The following NQO2 variants were observed in gnomAD, a reference collection of about 807,000 sequenced individuals.
NQO2 encodes the protein N-ribosyldihydronicotinamide:quinone dehydrogenase 2.
A neutral mutation model predicts 22.0 loss-of-function variants in NQO2; 18 were observed. The observed-to-expected ratio is 0.82, with a 90% confidence interval of 0.56 to 1.21. NQO2 has a LOEUF of 1.21. NQO2 is among the 50% of genes most tolerant of loss of function. The pLI is 0.00. For missense variants in NQO2, 267 were observed against 286.9 expected, an observed-to-expected ratio of 0.93 and a Z score of 0.50; for synonymous variants, 106 against 110.8, an observed-to-expected ratio of 0.96 and a Z score of 0.28.
intron 4 of NQO2, among the ~76,000 whole-genome samples, chr6:3,013,100 C>T (rs9378757): frequency 6.8e-4 from 103 of 151,596 alleles, no homozygotes; most frequent in African/African-American, 2.4e-3. Flanking sequence ...GGACTACAGG[C>T]GCCCGCCACC....
chr6:3,017,445 G>A (rs1422509579), intron 6 of NQO2, among the ~76,000 whole-genome samples: 1 of 152,180 alleles, frequency 6.6e-6, no homozygotes, highest in South Asian at 2.1e-4. Flanking sequence ...TCTGATGGCC[G>A]CATGCTGGTC....
chr6:3,005,704 G>C, intron 1 of NQO2: 2 of 985,340 alleles, frequency 2.0e-6, no homozygotes, highest in Non-Finnish European at 2.4e-6. Context: ...ATGGCCAGGA[G>C]GGGGTGAGGC....
intron 2 of NQO2, among the ~76,000 whole-genome samples, chr6:3,009,032 G>C (rs895995012): frequency 2.0e-5 from 3 of 152,184 alleles, no homozygotes; most frequent in African/African-American, 7.2e-5. Context: ...CAGGAGCCAG[G>C]GTTTGAGAGC....
At chr6:3,003,229 T>TA (rs762048362) in intron 1 of NQO2, among the ~76,000 whole-genome samples, 227 of 152,316 alleles carry the variant, frequency 1.5e-3, no homozygotes, top group Non-Finnish European at 2.6e-3. Flanking sequence ...CCCTGTAAGT[T>TA]ACAGCCCCAC....
At position 3,006,243 on chromosome 6, in the gene NQO2, G is replaced by A. The variant is rs1756945852; in HGVS notation, c.-85-225G>A. On this transcript the variant is annotated intron_variant, in intron 1 of 6. Transcript: ENST00000380455. This position sits in a 1 kb window ranked among gnomAD's most constrained non-coding sequence, Gnocchi z 4.0. Reference sequence around the variant, plus strand: ...CCTTTGCTGTATGACTGTCTGGATGGAAGGTTCAGAGTCCTCTCAAAAAAG... The same window carrying A: ...CCTTTGCTGTATGACTGTCTGGATGAAAGGTTCAGAGTCCTCTCAAAAAAG... The A allele has an allele frequency of 1.3e-6, 1 of 749,506 alleles. No homozygotes were observed. The highest frequency in any genetic ancestry group is 6.1e-5 in the South Asian group (1 of 16,464). 46.4% of individuals were successfully genotyped at this position (749,506 alleles called of 1,614,324 possible). A position where few individuals can be genotyped will look rare whatever the true frequency, so the allele number is the denominator to read the frequency against.
chr6:3,006,716 T>C lies in NQO2; in HGVS notation c.7+157T>C. The stretch of plus-strand genomic sequence containing the variant: ...TCTTAATCAGAAATTGGATACATTG[T>C]TGTAAAAAATCCAAGCCACGTGGAA... On this transcript the variant is annotated intron_variant, in intron 2 of 6. Coordinates refer to ENST00000380455, the MANE Select transcript of NQO2 (RefSeq NM_000904.6). The surrounding 1 kb of genome is among the most constrained non-coding windows in gnomAD (Gnocchi z 4.0). 1 of 693,796 alleles carries C rather than the reference T, an allele frequency of 1.4e-6. No homozygotes were observed. The highest frequency in any genetic ancestry group is 2.3e-6 in the Non-Finnish European group (1 of 436,380). 43.0% of individuals were successfully genotyped at this position (693,796 alleles called of 1,614,324 possible). A position where few individuals can be genotyped will look rare whatever the true frequency, so the allele number is the denominator to read the frequency against.
chr6:3,015,523 C>A lies in NQO2; in HGVS notation c.304-7C>A. On this transcript the variant is annotated splice_region_variant and splice_polypyrimidine_tract_variant and intron_variant, in intron 4 of 6. Transcript: ENST00000380455. ...CCTCAGTTTCTCTTTGGTGTTGCCGCCCACAGTTCCCGCTGTACTGGTTCA... is the reference window on the plus strand; with the variant it reads ...CCTCAGTTTCTCTTTGGTGTTGCCGACCACAGTTCCCGCTGTACTGGTTCA... 6.2e-7 allele frequency: 1 copy of A among 1,611,906 alleles called. No homozygotes were observed. The highest frequency in any genetic ancestry group is 8.5e-7 in the Non-Finnish European group (1 of 1,179,268).
intron 2 of NQO2, among the ~76,000 whole-genome samples, chr6:3,008,520 C>T (rs536416951): frequency 1.4e-4 from 21 of 152,140 alleles, no homozygotes; most frequent in Non-Finnish European, 2.6e-4. Context: ...GAGGCCAAGG[C>T]GGGTGGATCA....
chr6:3,010,219 A>T (rs1581326983), intron 3 of NQO2, 30 bp downstream of exon 3: 1 of 1,520,582 alleles, frequency 6.6e-7, no homozygotes, highest in African/African-American at 1.4e-5. Flanking sequence ...CTCTATTTAT[A>T]AAAACCATCT....
rs1399012544 is a variant in NQO2 at position 3,006,387 on chromosome 6, G to A, written c.-85-81G>A. ...GATGTGTTTGCGTGTCTGTCAGGAA[G>A]CAGCAGTGATGCCTAGATGTGGTAC... On this transcript the variant is annotated intron_variant, in intron 1 of 6. Coordinates refer to ENST00000380455, the MANE Select transcript of NQO2 (RefSeq NM_000904.6). This position sits in a 1 kb window ranked among gnomAD's most constrained non-coding sequence, Gnocchi z 4.0. The A allele has an allele frequency of 1.1e-5, 16 of 1,437,214 alleles. No homozygotes were observed. Among genetic ancestry groups the A allele is most frequent in the East Asian group, 2.7e-5 (1 of 37,082 alleles). 89.0% of individuals were successfully genotyped at this position (1,437,214 alleles called of 1,614,324 possible).
At chr6:3,015,676 A>G (rs1429027569) in intron 5 of NQO2, 33 bp downstream of exon 5, 3 of 1,591,032 alleles carry the variant, frequency 1.9e-6, no homozygotes, top group Non-Finnish European at 2.6e-6. Context: ...CACTATGGAT[A>G]GTTGGAGGGA....
At chr6:3,014,728 G>C (rs1757265067) in intron 4 of NQO2, among the ~76,000 whole-genome samples, 2 of 152,098 alleles carry the variant, frequency 1.3e-5, no homozygotes, top group African/African-American at 4.8e-5. Context: ...TAATATCAGA[G>C]CCCACCACTC....
At chr6:3,016,720 A>G (rs933552069) in intron 5 of NQO2, 164 bp from the exon 6 acceptor site, 3 of 980,702 alleles carry the variant, frequency 3.1e-6, no homozygotes, top group Admixed American at 6.2e-5. Context: ...TCCTCTTGGG[A>G]TGTCATTGTC....
intron 6 of NQO2, among the ~76,000 whole-genome samples, chr6:3,017,894 G>A (rs1281246691): frequency 5.3e-5 from 8 of 152,158 alleles, no homozygotes; most frequent in Admixed American, 3.3e-4. Flanking sequence ...CACGTGCCTT[G>A]CCCATGTCCT....
At chr6:3,013,971 C>T (rs1323984601) in intron 4 of NQO2, among the ~76,000 whole-genome samples, 1 of 152,160 alleles carries the variant, frequency 6.6e-6, no homozygotes, top group Admixed American at 6.5e-5. Flanking sequence ...ACTGGATCCC[C>T]TAGATCCAGA....
chr6:3,015,322 G>A, intron 4 of NQO2: 2 of 985,370 alleles, frequency 2.0e-6, no homozygotes, highest in Non-Finnish European at 2.4e-6. Context: ...AGAGCTACCT[G>A]TAACAGCAAC....
intron 1 of NQO2, chr6:3,005,592 TTTGTTG>T (rs1459445760): frequency 2.1e-6 from 2 of 963,774 alleles, no homozygotes; most frequent in African/African-American, 3.5e-5. Context: ...AGTTGTTTGC[TTTGTTG>T]TTGTTAAGTT....
chr6:3,012,457 T>A, intron 3 of NQO2, 87 bp from the exon 4 acceptor site: 1 of 1,549,726 alleles, frequency 6.5e-7, no homozygotes, highest in Non-Finnish European at 8.7e-7. Context: ...GTCTGAGGAG[T>A]CCGGTATACA....
At chr6:3,011,654 TA>T (rs140870545) in intron 3 of NQO2, among the ~76,000 whole-genome samples, 2,102 of 152,242 alleles carry the variant, frequency 0.014, 43 homozygotes, top group African/African-American at 0.042. Context: ...ATATAATTAT[TA>T]AACTCTCAAA....
Sources: gnomAD v4.1 joint callset for allele counts (sites outside exome capture counted in the v4.1 genomes callset) on GRCh38, gnomAD v4.1.1 for gene constraint, Gnocchi (gnomAD v3.1) non-coding constraint, MANE v1.5 for transcripts, NCBI Gene and HGNC (gene_info 2026-07-23, HGNC 2026-07-21) for gene names.